The following CPE variants were observed in gnomAD, a reference collection of about 807,000 sequenced individuals.
CPE encodes carbocypeptidase E.
In CPE, 17 loss-of-function variants were observed where a neutral mutation model predicts 53.5. The observed-to-expected ratio is 0.32, with a 90% CI of 0.22 to 0.48. The LOEUF (loss-of-function observed/expected upper bound fraction) is 0.48, where lower values mean the gene tolerates loss of function less well. Ranked by LOEUF, CPE falls within the 20% of genes least tolerant of loss-of-function variation. The probability of loss-of-function intolerance (pLI) is 0.99; values close to 1 mark genes in which losing one functional copy is unlikely to be tolerated. For missense variants in CPE, 524 were observed against 614.7 expected, an observed-to-expected ratio of 0.85 and a Z score of 1.56; for synonymous variants, 226 against 228.8, an observed-to-expected ratio of 0.99 and a Z score of 0.11.
Position 165,487,554 on chromosome 4 carries a change from TC to T in CPE, c.1093del (p.Leu365SerfsTer34). 1.9e-6 allele frequency: 3 copies of T among 1,614,040 alleles called. No homozygotes were observed. Among genetic ancestry groups the T allele is most frequent in the Non-Finnish European group, 2.5e-6 (3 of 1,179,972 alleles). On this transcript the variant is annotated frameshift_variant, in exon 6 of 9. Coordinates refer to ENST00000402744, the MANE Select transcript of CPE (RefSeq NM_001873.4). LOFTEE classifies it high-confidence loss of function. ...GACCTACTGGGAGGATAACAAAAAC[TC>T]CCTCATTAGCTACCTTGAGCAGGTA... ...LKTYWEDNKN[S>X]LISYLEQIHR... is the part of the protein sequence containing the mutation.
intron 1 of CPE, among the ~76,000 whole-genome samples, chr4:165,413,455 A>G (rs989589403): frequency 3.9e-5 from 6 of 152,224 alleles, no homozygotes; most frequent in Non-Finnish European, 5.9e-5. Flanking sequence ...CACCAGCTTC[A>G]TTAGGAGTGA....
At chr4:165,476,352 T>G (rs988979863) in intron 3 of CPE, among the ~76,000 whole-genome samples, 1 of 152,154 alleles carries the variant, frequency 6.6e-6, no homozygotes, top group Non-Finnish European at 1.5e-5. Flanking sequence ...TGTCTGCATG[T>G]GCAGTGGCCT....
At chr4:165,433,573 T>G (rs968405581) in intron 1 of CPE, among the ~76,000 whole-genome samples, 1 of 152,204 alleles carries the variant, frequency 6.6e-6, no homozygotes, top group African/African-American at 2.4e-5. Flanking sequence ...TTTTCAGCCC[T>G]GCCGGCCATA....
intron 3 of CPE, among the ~76,000 whole-genome samples, chr4:165,468,708 A>T (rs1219926182): frequency 6.6e-6 from 1 of 152,158 alleles, no homozygotes; most frequent in Non-Finnish European, 1.5e-5. Flanking sequence ...CTCCTGCTGT[A>T]ACTGGCACAG....
Position 165,403,205 on chromosome 4 carries a change from A to G in CPE, c.307+23677A>G, listed in dbSNP as rs577666480. ...TATGTAAGCAAGCTATTAAAAAACAAAAGCTGAAGGCGACTGTTTTATGAT... is the reference window on the plus strand; with the variant it reads ...TATGTAAGCAAGCTATTAAAAAACAGAAGCTGAAGGCGACTGTTTTATGAT... On this transcript the variant is annotated intron_variant, in intron 1 of 8. Coordinates refer to ENST00000402744, the MANE Select transcript of CPE (RefSeq NM_001873.4). Among the ~76,000 whole-genome samples, 20 of 152,356 alleles carry G rather than the reference A, an allele frequency of 1.3e-4. No individual in the cohort carries two copies. In the South Asian group the frequency reaches 3.5e-3, roughly 27 times the overall value.
chr4:165,464,926 G>C (rs975225254), intron 2 of CPE, among the ~76,000 whole-genome samples: 4 of 152,124 alleles, frequency 2.6e-5, no homozygotes, highest in African/African-American at 9.7e-5. Flanking sequence ...AATATCTACT[G>C]CCTTTTGTTG....
In CPE at chr4:165,471,406, C is replaced by T. The variant is rs554722915; in HGVS notation, c.672+3551C>T. The stretch of plus-strand genomic sequence containing the variant: ...TTATTAGATTATAGTCTGTTATGTT[C>T]TTGAAACATAACTTTTCTCTCTCCA... On this transcript the variant is annotated intron_variant, in intron 3 of 8. Transcript: ENST00000402744. 1.3e-4 allele frequency among the ~76,000 whole-genome samples: 20 copies of T among 152,254 alleles called. No homozygotes were observed. In the South Asian group the frequency reaches 3.1e-3, roughly 24 times the overall value.
At chr4:165,492,751 G>C (rs1023727514) in intron 6 of CPE, among the ~76,000 whole-genome samples, 7 of 152,156 alleles carry the variant, frequency 4.6e-5, no homozygotes, top group African/African-American at 1.7e-4. Context: ...TAACATAACC[G>C]ATTAGGTCAG....
At chr4:165,464,270 T>C in intron 1 of CPE, 120 bp from the exon 2 acceptor site, 1 of 775,730 alleles carries the variant, frequency 1.3e-6, no homozygotes. Context: ...GATTTTTTTT[T>C]AAGGCATCGC....
chr4:165,450,851 T>G (rs1731795374), intron 1 of CPE, among the ~76,000 whole-genome samples: 1 of 152,216 alleles, frequency 6.6e-6, no homozygotes, highest in Non-Finnish European at 1.5e-5. Flanking sequence ...GCGTGGGCAC[T>G]CAAGTAGGTT....
chr4:165,474,961 T>C (rs1339137218), intron 3 of CPE, among the ~76,000 whole-genome samples: 1 of 152,224 alleles, frequency 6.6e-6, no homozygotes, highest in Admixed American at 6.5e-5. Flanking sequence ...GAATATGACC[T>C]TGAAGGTCTT....
Position 165,464,370 on chromosome 4 carries a change from GCTAT to G in CPE, c.308-15_308-12del. The G allele has an allele frequency of 6.4e-7, 1 of 1,563,832 alleles. No individual in the cohort carries two copies. The highest frequency in any genetic ancestry group is 8.7e-7 in the Non-Finnish European group (1 of 1,151,098). On this transcript the variant is annotated splice_polypyrimidine_tract_variant and intron_variant, in intron 1 of 8. Transcript: ENST00000402744. Reference sequence around the variant, plus strand: ...TGTATGTCATAGAAAACATCTCCATGCTATCTATTAATCTTTTAGGTGAGCCTGA... The same window carrying G: ...TGTATGTCATAGAAAACATCTCCATGCTATTAATCTTTTAGGTGAGCCTGA...
intron 1 of CPE, among the ~76,000 whole-genome samples, chr4:165,382,095 A>G (rs1730512438): frequency 6.6e-6 from 1 of 152,234 alleles, no homozygotes; most frequent in East Asian, 1.9e-4. Context: ...GACTGGAGAA[A>G]AAGACAGTAA....
intron 1 of CPE, among the ~76,000 whole-genome samples, chr4:165,402,583 C>T (rs1730886520): frequency 6.6e-6 from 1 of 152,222 alleles, no homozygotes. Flanking sequence ...ACCTCCCCCA[C>T]CTTACTCCCT....
intron 3 of CPE, among the ~76,000 whole-genome samples, chr4:165,481,011 TATATA>T (rs199784188): frequency 7.0e-4 from 72 of 102,326 alleles, no homozygotes; most frequent in South Asian, 1.1e-3. Context: ...TATATATATA[TATATA>T]TTTTTTTTTT....
In CPE at chr4:165,475,943, A is replaced by G. The variant is rs112088983; in HGVS notation, c.673-6299A>G. On this transcript the variant is annotated intron_variant, in intron 3 of 8. Transcript: ENST00000402744. ...AAAAAGAGAGAAGGAAACTGCATAC[A>G]GGGGTTGAGTACCTCCAGCCAAAGA... 9.7e-3 allele frequency among the ~76,000 whole-genome samples: 1,473 copies of G among 152,274 alleles called. 20 individuals are homozygous for G. The highest frequency in any genetic ancestry group is 0.033 in the African/African-American group (1,374 of 41,560).
At chr4:165,490,629 CAAAAAAAAAAAAAA>C (rs36034365) in intron 6 of CPE, among the ~76,000 whole-genome samples, 1 of 41,010 alleles carries the variant, frequency 2.4e-5, no homozygotes, top group Non-Finnish European at 5.1e-5. Flanking sequence ...GACTCCGTCT[CAAAAAAAAAAAAAA>C]AAAAAAAAAA....
intron 3 of CPE, among the ~76,000 whole-genome samples, chr4:165,472,813 A>T (rs1732232358): frequency 6.6e-6 from 1 of 152,208 alleles, no homozygotes. Flanking sequence ...CTAAAACCAC[A>T]TTCTACTTTC....
chr4:165,398,223 TATA>T (rs1179180842), intron 1 of CPE, among the ~76,000 whole-genome samples: 3 of 152,102 alleles, frequency 2.0e-5, no homozygotes, highest in Non-Finnish European at 4.4e-5. Flanking sequence ...TTACATCAGA[TATA>T]ATATTAGTAA....
Sources: allele counts gnomAD v4.1 joint callset (sites outside exome capture counted in the v4.1 genomes callset), GRCh38; gene constraint gnomAD v4.1.1; transcripts MANE v1.5; gene names NCBI Gene and HGNC (gene_info 2026-07-23, HGNC 2026-07-21).